PNKD: variants seen among roughly 807,000 people sequenced by gnomAD.
PNKD encodes PNKD metallo-beta-lactamase domain containing, also known as probable thioesterase PNKD.
PNKD carries 36 observed loss-of-function variants against 45.3 expected under a neutral mutation model. The observed-to-expected ratio is 0.80, with a 90% CI of 0.61 to 1.05. The LOEUF is 1.05. Ranked by LOEUF, PNKD falls within the 50% of genes least tolerant of loss-of-function variation. The pLI is 0.00. For missense variants in PNKD, 511 were observed against 506.6 expected (o/e 1.01, Z -0.08); for synonymous variants, 197 against 210.1 (o/e 0.94, Z 0.54).
chr2:218,325,475 G>A (rs1694124340), intron 2 of PNKD, among the ~76,000 whole-genome samples: 1 of 152,062 alleles, frequency 6.6e-6, no homozygotes. Context: ...CAAAGTGCTG[G>A]GATTACAGGT....
chr2:218,318,960 T>C (rs1452174281), intron 2 of PNKD, among the ~76,000 whole-genome samples: 5 of 138,368 alleles, frequency 3.6e-5, no homozygotes, highest in African/African-American at 1.1e-4. Context: ...CTTTTTTTTT[T>C]TTTTTTTTTT....
At chr2:218,319,842 G>A (rs1693937560) in intron 2 of PNKD, among the ~76,000 whole-genome samples, 1 of 152,256 alleles carries the variant, frequency 6.6e-6, no homozygotes, top group Non-Finnish European at 1.5e-5. Context: ...CATATGCCAT[G>A]TAGCCAGCAC....
At chr2:218,324,165 G>GCA (rs71266352) in intron 2 of PNKD, among the ~76,000 whole-genome samples, 48,951 of 151,950 alleles carry the variant, frequency 0.32, 8,162 homozygotes, top group Middle Eastern at 0.49. Flanking sequence ...TGCCTAGCAA[G>GCA]CACTGTTCAG....
At chr2:218,280,625 G>A (rs746167636) in intron 2 of PNKD, 9 of 162,132 alleles carry the variant, frequency 5.6e-5, no homozygotes, top group East Asian at 1.9e-4. Flanking sequence ...GCGCAGATCC[G>A]CACCAGCGCA....
chr2:218,289,255 G>A (rs1290291393), intron 2 of PNKD, among the ~76,000 whole-genome samples: 1 of 6,804 alleles, frequency 1.5e-4, no homozygotes. Context: ...AGGAGGTGGG[G>A]ACCTGAAGTT....
At chr2:218,276,935 G>T in intron 2 of PNKD, 1 of 1,368,830 alleles carries the variant, frequency 7.3e-7, no homozygotes, top group Non-Finnish European at 1.0e-6. Context: ...GGGCCTGCGA[G>T]ACCATGCTAT....
chr2:218,322,759 A>C (rs1277464844), intron 2 of PNKD, among the ~76,000 whole-genome samples: 1 of 152,270 alleles, frequency 6.6e-6, no homozygotes, highest in Non-Finnish European at 1.5e-5. Flanking sequence ...GGCTCCAGGA[A>C]TGCAGACAGT....
intron 2 of PNKD, chr2:218,278,702 G>C: frequency 1.1e-6 from 1 of 944,862 alleles, no homozygotes; most frequent in Non-Finnish European, 1.7e-6. Flanking sequence ...GCAAGAACGA[G>C]ATTACCCCCA....
chr2:218,295,132 G>A (rs984029973), intron 2 of PNKD, among the ~76,000 whole-genome samples: 1 of 152,188 alleles, frequency 6.6e-6, no homozygotes, highest in South Asian at 2.1e-4. Flanking sequence ...TGACTATAGG[G>A]TCAAAAATAA....
intron 2 of PNKD, among the ~76,000 whole-genome samples, chr2:218,334,326 TTTC>T (rs2106286762): frequency 6.6e-6 from 1 of 152,210 alleles, no homozygotes; most frequent in Non-Finnish European, 1.5e-5. Flanking sequence ...GCTGTTGCCC[TTTC>T]TCTGATCTAG....
chr2:218,329,962 A>G (rs998033936), intron 2 of PNKD, among the ~76,000 whole-genome samples: 1 of 152,160 alleles, frequency 6.6e-6, no homozygotes, highest in African/African-American at 2.4e-5. Flanking sequence ...CGTTGGTGAG[A>G]TGCAGAGCCT....
intron 2 of PNKD, among the ~76,000 whole-genome samples, chr2:218,324,404 C>T (rs1030469731): frequency 6.6e-6 from 1 of 152,230 alleles, no homozygotes; most frequent in African/African-American, 2.4e-5. Flanking sequence ...CCTCTCCTCC[C>T]CAGACCACCC....
In PNKD at chr2:218,344,902, C is replaced by T. The variant is rs1302151275; in HGVS notation, c.1079C>T (p.Pro360Leu). ...LQEALGPGPG[P>L]TGDDDYSRAQ... Reference sequence around the variant, plus strand: ...GAGGCTCTGGGGCCGGGGCCGGGCCCCACTGGGGATGATGACTACTCCCGG... The same window carrying T: ...GAGGCTCTGGGGCCGGGGCCGGGCCTCACTGGGGATGATGACTACTCCCGG... The change falls in exon 10 of 10, where the codon CCC becomes CTC. Residue 360 changes from proline (P) to leucine (L), a missense_variant. By Grantham distance (98) the Pro-to-Leu change is moderately conservative. Transcript: ENST00000273077. 2 of 1,614,014 alleles carry T rather than the reference C, an allele frequency of 1.2e-6. No individual in the cohort carries two copies. The highest frequency in any genetic ancestry group is 2.2e-5 in the East Asian group (1 of 44,880).
At chr2:218,313,267 T>A (rs1362742109) in intron 2 of PNKD, among the ~76,000 whole-genome samples, 2 of 152,098 alleles carry the variant, frequency 1.3e-5, no homozygotes. Context: ...TACACCATCA[T>A]GCCCGGCTAA....
chr2:218,275,400 G>C (rs1691088248), intron 2 of PNKD: 4 of 1,531,376 alleles, frequency 2.6e-6, no homozygotes, highest in Non-Finnish European at 3.5e-6. Context: ...CTAAAGCCCA[G>C]ACCACAGTCA....
chr2:218,343,695 C>T, intron 8 of PNKD, 109 bp downstream of exon 8: 1 of 809,994 alleles, frequency 1.2e-6, no homozygotes, highest in Non-Finnish European at 2.1e-6. Context: ...CAGTTCCTGG[C>T]CCAGAAGCGA....
intron 2 of PNKD, among the ~76,000 whole-genome samples, chr2:218,273,446 GTT>G (rs11299679): frequency 0.053 from 6,423 of 121,596 alleles, 525 homozygotes; most frequent in African/African-American, 0.19. Context: ...TACTTTTTGT[GTT>G]TTTTTTTTTT....
At chr2:218,282,264 A>C in intron 2 of PNKD, 1 of 810,682 alleles carries the variant, frequency 1.2e-6, no homozygotes, top group Non-Finnish European at 1.8e-6. Flanking sequence ...AGCCTTGTCC[A>C]GGCTGCCTCC....
chr2:218,337,394 A>G (rs1461412637), intron 2 of PNKD, among the ~76,000 whole-genome samples: 1 of 152,124 alleles, frequency 6.6e-6, no homozygotes, highest in Non-Finnish European at 1.5e-5. Context: ...ATACGTGCAC[A>G]TTCTGCCAGC....
Sources: gnomAD v4.1 joint callset for allele counts (sites outside exome capture counted in the v4.1 genomes callset) on GRCh38, gnomAD v4.1.1 for gene constraint, MANE v1.5 for transcripts, NCBI Gene and HGNC (gene_info 2026-07-23, HGNC 2026-07-21) for gene names.